The following FLI1 variants were observed in gnomAD, a reference collection of about 807,000 sequenced individuals.
FLI1 encodes the protein Friend leukemia integration 1 transcription factor.
In FLI1, 13 loss-of-function variants were observed where a neutral mutation model predicts 53.1. The observed-to-expected ratio is 0.24, with a 90% CI of 0.16 to 0.39. The LOEUF (loss-of-function observed/expected upper bound fraction) is 0.39, where lower values mean the gene tolerates loss of function less well. FLI1 is among the 10% of genes least tolerant of loss of function. The probability of loss-of-function intolerance (pLI) is 1.00; values close to 1 mark genes in which losing one functional copy is unlikely to be tolerated. For synonymous variants in FLI1, 244 were observed against 236.7 expected, an observed-to-expected ratio of 1.03 and a Z score of -0.28; for missense variants, 424 against 600.5, an observed-to-expected ratio of 0.71 and a Z score of 3.07.
chr11:128,772,391 T>C (rs1474797748), intron 3 of FLI1, among the ~76,000 whole-genome samples: 3 of 152,254 alleles, frequency 2.0e-5, no homozygotes, highest in Non-Finnish European at 4.4e-5. Flanking sequence ...GGGATCCGTG[T>C]TCTTTCATGA....
chr11:128,695,036 G>T (rs1265956523), intron 1 of FLI1, among the ~76,000 whole-genome samples: 1 of 149,628 alleles, frequency 6.7e-6, no homozygotes, highest in African/African-American at 2.5e-5. Context: ...GGCGTGCGCC[G>T]GCTCCAGGAC....
intron 4 of FLI1, among the ~76,000 whole-genome samples, chr11:128,777,286 C>CT (rs1221883186): frequency 5.3e-5 from 8 of 151,964 alleles, no homozygotes; most frequent in African/African-American, 1.7e-4. Context: ...GAAAAAGAGC[C>CT]TTTTTTAAGT....
chr11:128,758,511 G>T (rs937076089), intron 2 of FLI1, among the ~76,000 whole-genome samples, 185 bp downstream of exon 2: 1 of 152,184 alleles, frequency 6.6e-6, no homozygotes, highest in Non-Finnish European at 1.5e-5. Context: ...GTGGAGTAGG[G>T]CTAGGAAGCC....
chr11:128,812,438 T>C lies in FLI1; in HGVS notation c.*1450T>C. 4.4e-6 allele frequency: 1 copy of C among 225,820 alleles called. No individual in the cohort carries two copies. The highest frequency in any genetic ancestry group is 8.8e-6 in the Non-Finnish European group (1 of 113,326). 14.0% of individuals were successfully genotyped at this position (225,820 alleles called of 1,614,324 possible). On this transcript the variant is annotated 3_prime_UTR_variant, in exon 9 of 9. Transcript: ENST00000527786. ...CTCAGTGCTGAGGACAGTTTTCTTA[T>C]TTACCGCCCCCGTTAGGTCAAAGGG... is the stretch of plus-strand genomic sequence containing the variant.
At chr11:128,781,164 G>A (rs1941903774) in intron 4 of FLI1, among the ~76,000 whole-genome samples, 1 of 152,212 alleles carries the variant, frequency 6.6e-6, no homozygotes, top group Non-Finnish European at 1.5e-5. Flanking sequence ...GACTCCTCAG[G>A]TTCAGTGCGT....
chr11:128,740,987 G>A (rs1369819524), intron 1 of FLI1, among the ~76,000 whole-genome samples: 2 of 152,192 alleles, frequency 1.3e-5, no homozygotes, highest in Non-Finnish European at 2.9e-5. Context: ...AAAAAGGGAA[G>A]AGCTCCCAGG....
chr11:128,793,648 T>C (rs535271615), intron 5 of FLI1, among the ~76,000 whole-genome samples: 27 of 152,350 alleles, frequency 1.8e-4, no homozygotes, highest in Admixed American at 5.2e-4. Context: ...CTTTCTGCCT[T>C]CCCTGGGCTG....
intron 1 of FLI1, among the ~76,000 whole-genome samples, chr11:128,743,405 TAAA>T (rs373125181): frequency 7.6e-5 from 7 of 91,558 alleles, no homozygotes; most frequent in Non-Finnish European, 6.8e-5. Flanking sequence ...ACCATGTCTC[TAAA>T]AAAAAAAAAA....
chr11:128,695,114 C>T (rs1483693110), intron 1 of FLI1, among the ~76,000 whole-genome samples: 3 of 152,162 alleles, frequency 2.0e-5, no homozygotes, highest in East Asian at 3.9e-4. Flanking sequence ...GTTGCAGGGG[C>T]CGGCTGTGAG....
intron 7 of FLI1, 124 bp downstream of exon 7, chr11:128,807,363 G>A: frequency 1.7e-6 from 1 of 579,284 alleles, no homozygotes; most frequent in Non-Finnish European, 2.9e-6. Context: ...CTCAAAGAGG[G>A]TCTATCTTTG....
chr11:128,781,843 G>A, intron 4 of FLI1, 115 bp from the exon 5 acceptor site: 1 of 823,396 alleles, frequency 1.2e-6, no homozygotes. Context: ...GGAGTCCTCT[G>A]TCCCTCTTCC....
At chr11:128,740,226 A>T (rs1413458904) in intron 1 of FLI1, among the ~76,000 whole-genome samples, 10 of 152,344 alleles carry the variant, frequency 6.6e-5, no homozygotes, top group African/African-American at 2.4e-4. Flanking sequence ...ACCATCTCCA[A>T]CCTGAAAGGT....
Position 128,810,941 on chromosome 11 carries a change from C to T in FLI1, c.1312C>T (p.Arg438Cys), listed in dbSNP as rs1251622944. ...AATCTACCCCAACCCCAACGTCCCC[C>T]GCCATCCTAACACCCACGTGCCTTC... is the stretch of plus-strand genomic sequence containing the variant. ...GGIYPNPNVPRHPNTHVPSHL... is the reference protein window; with the variant it reads ...GGIYPNPNVPCHPNTHVPSHL... The change falls in exon 9 of 9, where the codon CGC becomes TGC. Residue 438 changes from arginine to cysteine, a missense_variant. Arg to Cys is a radical substitution (Grantham distance 180). Around this residue, in one of 5 missense-constraint regions of FLI1, gnomAD observed 87 missense variants for 100.0 expected, o/e 0.87. Transcript: ENST00000527786. This position sits in a 1 kb window ranked among gnomAD's most constrained non-coding sequence, Gnocchi z 6.6. The T allele has an allele frequency of 6.8e-6, 11 of 1,613,922 alleles. No individual in the cohort carries two copies. Among genetic ancestry groups the T allele is most frequent in the East Asian group, 2.2e-5 (1 of 44,886 alleles).
At chr11:128,710,215 A>G (rs1325667403) in intron 1 of FLI1, among the ~76,000 whole-genome samples, 1 of 152,214 alleles carries the variant, frequency 6.6e-6, no homozygotes, top group Non-Finnish European at 1.5e-5. Flanking sequence ...ACATTTGCCC[A>G]TATTCTACCC....
intron 4 of FLI1, among the ~76,000 whole-genome samples, chr11:128,778,715 G>A (rs931785160): frequency 9.9e-5 from 15 of 152,198 alleles, no homozygotes; most frequent in Non-Finnish European, 1.8e-4. Context: ...ATCATGGCCT[G>A]TTTACCCTGA....
chr11:128,795,379 C>G (rs1251825048), intron 5 of FLI1, among the ~76,000 whole-genome samples: 2 of 152,070 alleles, frequency 1.3e-5, no homozygotes, highest in African/African-American at 4.8e-5. Context: ...TTCTTCCAGC[C>G]CTGTATATAT....
At position 128,694,171 on chromosome 11, in the gene FLI1, G is replaced by A. The variant is rs1937909103; in HGVS notation, c.-88G>A. On this transcript the variant is annotated 5_prime_UTR_variant, in exon 1 of 9. Coordinates refer to ENST00000527786, the MANE Select transcript of FLI1 (RefSeq NM_002017.5). ...GGGCCCAGGGCGCCAGGGAGGCCGC[G>A]CCGGGCTAATCCGAAGGGGCTGCGA... 7.0e-6 allele frequency: 10 copies of A among 1,436,516 alleles called. No homozygotes were observed. The highest frequency in any genetic ancestry group is 7.4e-6 in the Non-Finnish European group (8 of 1,081,188). 89.0% of individuals were successfully genotyped at this position (1,436,516 alleles called of 1,614,324 possible).
chr11:128,775,219 T>C (rs1941695299), intron 4 of FLI1, among the ~76,000 whole-genome samples: 1 of 152,136 alleles, frequency 6.6e-6, no homozygotes, highest in African/African-American at 2.4e-5. Flanking sequence ...GTTCTGCCAT[T>C]GAAATGATTA....
At chr11:128,786,926 G>T (rs967610161) in intron 5 of FLI1, among the ~76,000 whole-genome samples, 9 of 152,224 alleles carry the variant, frequency 5.9e-5, no homozygotes, top group African/African-American at 2.2e-4. Context: ...GCCCCAGCCT[G>T]GAGCCTTTCA....
Sources: allele counts gnomAD v4.1 joint callset (sites outside exome capture counted in the v4.1 genomes callset), GRCh38; gene constraint gnomAD v4.1.1; regional missense constraint gnomAD v4.1.1; non-coding constraint Gnocchi (gnomAD v3.1); transcripts MANE v1.5; gene names NCBI Gene and HGNC (gene_info 2026-07-23, HGNC 2026-07-21).